PTPRM: variants seen among roughly 807,000 people sequenced by gnomAD.
PTPRM encodes receptor-type tyrosine-protein phosphatase mu.
A neutral mutation model predicts 186.7 loss-of-function variants in PTPRM; 47 were observed. That is an observed-to-expected ratio of 0.25 (90% CI 0.20 to 0.32). The LOEUF is 0.32. Among genes scored for constraint, PTPRM ranks in the 10% least tolerant of loss-of-function variants. The pLI, the probability that PTPRM is intolerant of heterozygous loss-of-function variation, is 1.00. For synonymous variants in PTPRM, 668 were observed against 674.9 expected, an observed-to-expected ratio of 0.99 and a Z score of 0.16; for missense variants, 1,494 against 1,865.0, an observed-to-expected ratio of 0.80 and a Z score of 3.66.
At chr18:8,156,980 A>G (rs1055198391) in intron 14 of PTPRM, among the ~76,000 whole-genome samples, 8 of 152,164 alleles carry the variant, frequency 5.3e-5, no homozygotes, top group African/African-American at 1.7e-4. Context: ...TTTACTGAAC[A>G]AGAGAATCTT....
intron 3 of PTPRM, among the ~76,000 whole-genome samples, chr18:7,900,698 G>A (rs1435137280): frequency 2.0e-5 from 3 of 152,210 alleles, no homozygotes; most frequent in Non-Finnish European, 1.5e-5. Context: ...GTAACTACTT[G>A]TGTGAACTCA....
chr18:8,289,582 A>G lies in PTPRM; in HGVS notation c.2755-6786A>G, dbSNP rs1027517198. On this transcript the variant is annotated intron_variant, in intron 19 of 32. Transcript: ENST00000580170. ...TATACACATATATATATATACATAT[A>G]TATATACACATATATATATACACAC... Among the ~76,000 whole-genome samples the G allele has an allele frequency of 5.5e-4, 61 of 111,644 alleles. 2 individuals are homozygous for G. Among genetic ancestry groups the G allele is most frequent in the Non-Finnish European group, 8.8e-4 (48 of 54,520 alleles). 73.2% of individuals were successfully genotyped at this position (111,644 alleles called of 152,430 possible). A position where few individuals can be genotyped will look rare whatever the true frequency, so the allele number is the denominator to read the frequency against.
intron 2 of PTPRM, among the ~76,000 whole-genome samples, chr18:7,784,636 G>A (rs1001241516): frequency 6.6e-6 from 1 of 152,138 alleles, no homozygotes; most frequent in Non-Finnish European, 1.5e-5. Flanking sequence ...ATATTCTTCA[G>A]ATCTACCAAG....
chr18:8,248,436 T>G, intron 17 of PTPRM: 3 of 539,378 alleles, frequency 5.6e-6, no homozygotes. Flanking sequence ...GCCCCAATAT[T>G]CTCCCTTTCT....
chr18:8,235,232 T>A (rs2094330616), intron 14 of PTPRM, among the ~76,000 whole-genome samples: 1 of 152,144 alleles, frequency 6.6e-6, no homozygotes, highest in South Asian at 2.1e-4. Context: ...AGGTTATTAA[T>A]TATTGACTCA....
chr18:8,032,693 GC>G (rs1325535236), intron 7 of PTPRM, among the ~76,000 whole-genome samples: 4 of 151,990 alleles, frequency 2.6e-5, no homozygotes, highest in African/African-American at 9.7e-5. Flanking sequence ...AGGATGATTT[GC>G]CCCCATCATA....
intron 19 of PTPRM, among the ~76,000 whole-genome samples, chr18:8,258,590 A>G (rs1304396287): frequency 6.6e-6 from 1 of 151,922 alleles, no homozygotes; most frequent in Non-Finnish European, 1.5e-5. Flanking sequence ...CAATTTTTGA[A>G]CTGATTCTAA....
chr18:8,135,949 G>T, intron 13 of PTPRM, among the ~76,000 whole-genome samples: 1 of 152,316 alleles, frequency 6.6e-6, no homozygotes, highest in East Asian at 1.9e-4. Flanking sequence ...GCTCTAAGTG[G>T]TTTTTGCAAA....
intron 14 of PTPRM, among the ~76,000 whole-genome samples, chr18:8,210,562 T>G (rs141962152): frequency 7.9e-5 from 12 of 152,326 alleles, no homozygotes; most frequent in South Asian, 4.1e-4. Flanking sequence ...AAATTTCTCT[T>G]GTTCTGATCC....
intron 1 of PTPRM, among the ~76,000 whole-genome samples, chr18:7,681,881 C>T (rs1391961880): frequency 6.6e-6 from 1 of 152,172 alleles, no homozygotes; most frequent in East Asian, 1.9e-4. Flanking sequence ...CCAGAGGTCT[C>T]TCCTGGATGC....
In PTPRM at chr18:8,225,444, A is replaced by G. The variant is rs80140919; in HGVS notation, c.2301-18614A>G. On this transcript the variant is annotated intron_variant, in intron 14 of 32. Coordinates refer to ENST00000580170, the MANE Select transcript of PTPRM (RefSeq NM_001105244.2). ...TTTGGAGAGCTTCTGGTACAACAGGATGTTCTTAGCTCATCTTCTGTATTG... is the reference window on the plus strand; with the variant it reads ...TTTGGAGAGCTTCTGGTACAACAGGGTGTTCTTAGCTCATCTTCTGTATTG... Among the ~76,000 whole-genome samples the G allele has an allele frequency of 8.7e-3, 1,326 of 151,980 alleles. 15 individuals carry two copies. Among genetic ancestry groups the G allele is most frequent in the Middle Eastern group, 0.014 (4 of 292 alleles).
chr18:8,157,389 G>A (rs1296241408), intron 14 of PTPRM, among the ~76,000 whole-genome samples: 1 of 152,200 alleles, frequency 6.6e-6, no homozygotes, highest in Non-Finnish European at 1.5e-5. Flanking sequence ...CCGGACATGG[G>A]AGAAGACCAA....
intron 11 of PTPRM, among the ~76,000 whole-genome samples, chr18:8,107,930 T>C (rs915667595): frequency 6.6e-6 from 1 of 152,198 alleles, no homozygotes; most frequent in Admixed American, 6.5e-5. Flanking sequence ...TTTCCAGTAA[T>C]TGTAATTTGG....
chr18:7,811,412 C>A (rs761575099), intron 2 of PTPRM, among the ~76,000 whole-genome samples: 86 of 152,202 alleles, frequency 5.7e-4, no homozygotes, highest in Non-Finnish European at 1.0e-4. Flanking sequence ...GCATGGAGCT[C>A]AGTGGTGCAA....
chr18:7,842,841 T>TATATATATGTATATATATATATATATAG (rs1555616753), intron 2 of PTPRM, among the ~76,000 whole-genome samples: 2 of 134,526 alleles, frequency 1.5e-5, no homozygotes, highest in African/African-American at 5.8e-5. Context: ...TATATATATA[T>TATATATATGTATATATATATATATATAG]AGAGAGAGAG....
intron 32 of PTPRM, among the ~76,000 whole-genome samples, chr18:8,397,726 A>C (rs1357289990): frequency 2.0e-5 from 3 of 152,106 alleles, no homozygotes; most frequent in Admixed American, 1.3e-4. Context: ...TCCTTTGAAG[A>C]GACTCCGGCT....
intron 2 of PTPRM, among the ~76,000 whole-genome samples, chr18:7,812,721 GT>G (rs56916348): frequency 0.017 from 2,472 of 145,136 alleles, 61 homozygotes; most frequent in African/African-American, 0.054. Flanking sequence ...GACTTGGAAA[GT>G]TTTTTTTTTT....
chr18:8,276,063 G>A (rs1050501550), intron 19 of PTPRM, among the ~76,000 whole-genome samples: 1 of 151,450 alleles, frequency 6.6e-6, no homozygotes, highest in African/African-American at 2.4e-5. Context: ...GCCTCTGCTT[G>A]GAGCCCATTT....
At chr18:8,376,620 C>A (rs983054354) in intron 26 of PTPRM, 23 bp downstream of exon 26, 3 of 1,602,008 alleles carry the variant, frequency 1.9e-6, no homozygotes, top group Non-Finnish European at 2.6e-6. Flanking sequence ...ATCACCTAGC[C>A]TGGGGCCTTG....
Sources: gnomAD v4.1 joint callset for allele counts (sites outside exome capture counted in the v4.1 genomes callset) on GRCh38, gnomAD v4.1.1 for gene constraint, MANE v1.5 for transcripts, NCBI Gene and HGNC (gene_info 2026-07-23, HGNC 2026-07-21) for gene names.